CELF4: variants seen among roughly 807,000 people sequenced by gnomAD.
CELF4 encodes CUG-BP- and ETR-3-like factor 4.
A neutral mutation model predicts 59.9 loss-of-function variants in CELF4; 18 were observed. The ratio of observed to expected loss-of-function variants is 0.30; its 90% CI spans 0.21 to 0.45. CELF4 has a LOEUF of 0.45. CELF4 is among the 20% of genes least tolerant of loss of function. The probability of loss-of-function intolerance (pLI) is 1.00; values close to 1 mark genes in which losing one functional copy is unlikely to be tolerated. For synonymous variants in CELF4, 261 were observed against 267.1 expected (o/e 0.98, Z 0.22); for missense variants, 456 against 689.0 (o/e 0.66, Z 3.79).
chr18:37,489,315 GC>G, intron 1 of CELF4, among the ~76,000 whole-genome samples: 1 of 152,382 alleles, frequency 6.6e-6, no homozygotes, highest in South Asian at 2.1e-4. Flanking sequence ...CTGGCTGAGG[GC>G]AGAGCCCTGG....
chr18:37,435,156 C>A (rs1367571063), intron 2 of CELF4, among the ~76,000 whole-genome samples: 1 of 152,184 alleles, frequency 6.6e-6, no homozygotes, highest in Non-Finnish European at 1.5e-5. Flanking sequence ...CTAGGACTCA[C>A]TACTCTGACC....
chr18:37,417,894 G>A (rs145115611), intron 2 of CELF4, among the ~76,000 whole-genome samples: 6 of 152,312 alleles, frequency 3.9e-5, no homozygotes, highest in Non-Finnish European at 7.3e-5. Context: ...TGCTCATAAT[G>A]AGTCATGTGA....
At chr18:37,342,734 G>T (rs183596482) in intron 2 of CELF4, among the ~76,000 whole-genome samples, 11 of 152,310 alleles carry the variant, frequency 7.2e-5, no homozygotes, top group African/African-American at 2.2e-4. Flanking sequence ...AAGAATGGGG[G>T]AAATAATAAT....
chr18:37,289,342 G>T (rs892701712), intron 3 of CELF4, among the ~76,000 whole-genome samples: 1 of 108,822 alleles, frequency 9.2e-6, no homozygotes, highest in Non-Finnish European at 1.8e-5. Flanking sequence ...GAGCTCAGAG[G>T]ACAGAATGCA....
intron 10 of CELF4, among the ~76,000 whole-genome samples, chr18:37,262,024 G>A (rs2074862058): frequency 1.3e-5 from 2 of 152,152 alleles, no homozygotes; most frequent in African/African-American, 2.4e-5. Flanking sequence ...CCCACCTTGC[G>A]CCTGTCTCTC....
In CELF4 at chr18:37,321,499, G is replaced by A. The variant is rs189661724; in HGVS notation, c.448+304C>T. On this transcript the variant is annotated intron_variant, in intron 3 of 12. Coordinates refer to ENST00000420428, the MANE Select transcript of CELF4 (RefSeq NM_020180.4). Reference sequence around the variant, plus strand: ...CGGTGGGGTTTTCCTTGTCCACATCGAGGTGGGCACACCCTTTTGGGTGTT... The same window carrying A: ...CGGTGGGGTTTTCCTTGTCCACATCAAGGTGGGCACACCCTTTTGGGTGTT... Among the ~76,000 whole-genome samples, 1,035 of 152,320 alleles carry A rather than the reference G, an allele frequency of 6.8e-3. 41 individuals are homozygous for A. The highest frequency in any genetic ancestry group is 0.064 in the Admixed American group (980 of 15,304).
At chr18:37,280,030 G>A (rs1333774244) in intron 3 of CELF4, among the ~76,000 whole-genome samples, 1 of 152,232 alleles carries the variant, frequency 6.6e-6, no homozygotes, top group Non-Finnish European at 1.5e-5. Flanking sequence ...ACTCCCCAGA[G>A]GGCTGGGCAA....
At chr18:37,294,458 C>A (rs1033807357) in intron 3 of CELF4, among the ~76,000 whole-genome samples, 2 of 152,172 alleles carry the variant, frequency 1.3e-5, no homozygotes, top group African/African-American at 4.8e-5. Context: ...GGCCCTGCTC[C>A]TATGCATGGG....
rs530269461 is a variant in CELF4 at position 37,362,855 on chromosome 18, C to T, written c.370-40974G>A. Among the ~76,000 whole-genome samples, 3 of 152,304 alleles carry T rather than the reference C, an allele frequency of 2.0e-5. No individual in the cohort carries two copies. In the East Asian group the frequency reaches 5.8e-4, roughly 29 times the overall value. On this transcript the variant is annotated intron_variant, in intron 2 of 12. Transcript: ENST00000420428. ...ATCTGCTCTACACGTTTGCACACCTCAGTTCAGGGGTCAGGTGGTCAGGTG... is the reference window on the plus strand; with the variant it reads ...ATCTGCTCTACACGTTTGCACACCTTAGTTCAGGGGTCAGGTGGTCAGGTG...
intron 2 of CELF4, among the ~76,000 whole-genome samples, chr18:37,442,374 C>T (rs1475439349): frequency 6.6e-6 from 1 of 152,162 alleles, no homozygotes; most frequent in East Asian, 1.9e-4. Context: ...TCTCACTAGT[C>T]ATTTGAGAAT....
chr18:37,297,764 T>G (rs2154438864), intron 3 of CELF4, among the ~76,000 whole-genome samples: 1 of 152,370 alleles, frequency 6.6e-6, no homozygotes, highest in East Asian at 1.9e-4. Flanking sequence ...TTTTTGGTTC[T>G]GCCTGTTCTA....
intron 3 of CELF4, among the ~76,000 whole-genome samples, chr18:37,289,168 G>C (rs907865044): frequency 6.6e-6 from 1 of 152,124 alleles, no homozygotes; most frequent in Non-Finnish European, 1.5e-5. Flanking sequence ...GGGATCGTGG[G>C]GTGAGAAGGG....
intron 1 of CELF4, among the ~76,000 whole-genome samples, chr18:37,551,139 CA>C (rs1383278973): frequency 6.6e-6 from 1 of 152,100 alleles, no homozygotes; most frequent in Non-Finnish European, 1.5e-5. Flanking sequence ...TAGTGACGTC[CA>C]TATCCCTGCA....
At chr18:37,375,556 T>C (rs1220916325) in intron 2 of CELF4, among the ~76,000 whole-genome samples, 2 of 151,968 alleles carry the variant, frequency 1.3e-5, no homozygotes, top group Non-Finnish European at 2.9e-5. Flanking sequence ...TACTTAACCC[T>C]CCCCACCCCT....
intron 1 of CELF4, among the ~76,000 whole-genome samples, chr18:37,549,774 G>T (rs1345837397): frequency 6.6e-6 from 1 of 152,048 alleles, no homozygotes; most frequent in African/African-American, 2.4e-5. Context: ...AAGATGCATG[G>T]TTCAACTTTA....
intron 3 of CELF4, among the ~76,000 whole-genome samples, chr18:37,292,010 C>A (rs1225822325): frequency 2.1e-5 from 3 of 146,086 alleles, no homozygotes; most frequent in African/African-American, 7.9e-5. Flanking sequence ...GGACAGAGCC[C>A]TGGTGAATGA....
chr18:37,375,152 T>G (rs905062089), intron 2 of CELF4, among the ~76,000 whole-genome samples: 2 of 152,138 alleles, frequency 1.3e-5, no homozygotes, highest in African/African-American at 4.8e-5. Context: ...GGTGCATGTG[T>G]GTGTGCTCAT....
At chr18:37,320,041 A>G (rs926602828) in intron 3 of CELF4, among the ~76,000 whole-genome samples, 3 of 152,212 alleles carry the variant, frequency 2.0e-5, no homozygotes, top group African/African-American at 7.2e-5. Flanking sequence ...CAGGGCAACA[A>G]AAGGCCCCAA....
intron 1 of CELF4, among the ~76,000 whole-genome samples, chr18:37,561,014 G>A (rs918161613): frequency 2.6e-5 from 4 of 152,158 alleles, no homozygotes; most frequent in Non-Finnish European, 5.9e-5. Flanking sequence ...TCCTATTCAG[G>A]TATAGTTGAA....
Sources: allele counts gnomAD v4.1 joint callset (sites outside exome capture counted in the v4.1 genomes callset), GRCh38; gene constraint gnomAD v4.1.1; transcripts MANE v1.5; gene names NCBI Gene and HGNC (gene_info 2026-07-23, HGNC 2026-07-21).